Variants in FBXL7 observed in about 807,000 individuals in gnomAD.
FBXL7 encodes F-box and leucine rich repeat protein 7.
FBXL7 carries 12 observed loss-of-function variants against 38.3 expected under a neutral mutation model. The observed-to-expected ratio is 0.31, with a 90% confidence interval of 0.20 to 0.51. FBXL7 has a LOEUF of 0.51. Among genes scored for constraint, FBXL7 ranks in the 20% least tolerant of loss-of-function variants. The pLI is 0.98. For missense variants in FBXL7, 567 were observed against 676.4 expected, an observed-to-expected ratio of 0.84 and a Z score of 1.79; for synonymous variants, 297 against 300.9, an observed-to-expected ratio of 0.99 and a Z score of 0.13.
intron 1 of FBXL7, among the ~76,000 whole-genome samples, chr5:15,525,817 A>T (rs1376229505): frequency 6.6e-6 from 1 of 152,218 alleles, no homozygotes; most frequent in Non-Finnish European, 1.5e-5. Flanking sequence ...AGCCTATGGC[A>T]TCTCTCTGAC....
At chr5:15,794,200 A>C (rs142431417) in intron 2 of FBXL7, among the ~76,000 whole-genome samples, 2 of 152,224 alleles carry the variant, frequency 1.3e-5, no homozygotes, top group African/African-American at 4.8e-5. Context: ...TAGACAGTCT[A>C]CTTGTACTCC....
In FBXL7 at chr5:15,928,178, G is replaced by A. The variant is rs201382361; in HGVS notation, c.416G>A (p.Arg139Gln). The change falls in exon 3 of 4, where the codon CGA becomes CAA. Residue 139 changes from arginine to glutamine, a missense_variant. By Grantham distance (43) the Arg-to-Gln change is conservative. Coordinates refer to ENST00000504595, the MANE Select transcript of FBXL7 (RefSeq NM_012304.5). This position sits in a 1 kb window ranked among gnomAD's most constrained non-coding sequence, Gnocchi z 4.0. ...LPTNQLCRCA[R>Q]VCRRWYNLAW... ...ACCAACCAGCTGTGCCGCTGCGCGC[G>A]AGTGTGCCGCCGCTGGTACAACCTG... The A allele has an allele frequency of 1.1e-4, 173 of 1,609,722 alleles. No individual in the cohort carries two copies. The highest frequency in any genetic ancestry group is 1.1e-3 in the African/African-American group (79 of 74,938).
chr5:15,769,299 C>T (rs1381349343), intron 2 of FBXL7, among the ~76,000 whole-genome samples: 1 of 152,202 alleles, frequency 6.6e-6, no homozygotes, highest in African/African-American at 2.4e-5. Flanking sequence ...AACTTGAGTG[C>T]ATCCATCTGG....
At chr5:15,894,893 T>C (rs1300631592) in intron 2 of FBXL7, among the ~76,000 whole-genome samples, 7 of 152,160 alleles carry the variant, frequency 4.6e-5, no homozygotes, top group Non-Finnish European at 1.0e-4. Context: ...ACAGAGTGAA[T>C]GCTAATTTTT....
intron 1 of FBXL7, among the ~76,000 whole-genome samples, chr5:15,613,096 T>C (rs977767203): frequency 1.3e-5 from 2 of 152,338 alleles, no homozygotes; most frequent in South Asian, 2.1e-4. Flanking sequence ...TAAAAATAAT[T>C]TAAGTCTACA....
At chr5:15,667,631 A>G (rs1410661093) in intron 2 of FBXL7, among the ~76,000 whole-genome samples, 1 of 152,094 alleles carries the variant, frequency 6.6e-6, no homozygotes, top group Non-Finnish European at 1.5e-5. Context: ...GCCCAGCAGT[A>G]TAGCTGCTAA....
intron 2 of FBXL7, among the ~76,000 whole-genome samples, chr5:15,732,679 C>T (rs990402903): frequency 2.0e-5 from 3 of 152,144 alleles, no homozygotes; most frequent in South Asian, 2.1e-4. Context: ...ATAGAAGCCC[C>T]ACTTGTCTAA....
At chr5:15,651,458 A>G (rs548369397) in intron 2 of FBXL7, among the ~76,000 whole-genome samples, 6 of 152,244 alleles carry the variant, frequency 3.9e-5, no homozygotes, top group African/African-American at 1.4e-4. Flanking sequence ...TATTGGATGG[A>G]TGTTGTGTTA....
chr5:15,937,319 C>T lies in FBXL7; in HGVS notation c.*133C>T, dbSNP rs868698255. 8.8e-7 allele frequency: 1 copy of T among 1,142,122 alleles called. No homozygotes were observed. The highest frequency in any genetic ancestry group is 1.7e-5 in the South Asian group (1 of 58,000). The allele number at this position is 1,142,122 out of a possible 1,614,324, so 70.7% of individuals were successfully genotyped here. A position where few individuals can be genotyped will look rare whatever the true frequency, so the allele number is the denominator to read the frequency against. On this transcript the variant is annotated 3_prime_UTR_variant, in exon 4 of 4. Coordinates refer to ENST00000504595, the MANE Select transcript of FBXL7 (RefSeq NM_012304.5). The stretch of plus-strand genomic sequence containing the variant: ...CCGGGAAGGTTATTAGGAATCTGGC[C>T]TTTATTTTTCCTCATTTCTCATGGG...
At chr5:15,749,040 T>G (rs1175871810) in intron 2 of FBXL7, among the ~76,000 whole-genome samples, 2 of 150,762 alleles carry the variant, frequency 1.3e-5, no homozygotes. Flanking sequence ...AGGTCAGGAG[T>G]TAGAGACCAG....
intron 2 of FBXL7, among the ~76,000 whole-genome samples, chr5:15,821,215 A>C (rs554783277): frequency 6.6e-6 from 1 of 152,332 alleles, no homozygotes; most frequent in Non-Finnish European, 1.5e-5. Context: ...CTACCTTTTC[A>C]TAAAATGTAT....
At chr5:15,517,509 G>T (rs2126367696) in intron 1 of FBXL7, among the ~76,000 whole-genome samples, 1 of 152,290 alleles carries the variant, frequency 6.6e-6, no homozygotes, top group East Asian at 1.9e-4. Context: ...ACAACATGAG[G>T]TCAGACAAGG....
chr5:15,815,373 C>T (rs945097294), intron 2 of FBXL7, among the ~76,000 whole-genome samples: 1 of 152,158 alleles, frequency 6.6e-6, no homozygotes, highest in African/African-American at 2.4e-5. Flanking sequence ...ACGCATTATG[C>T]AGGCAAACTT....
intron 2 of FBXL7, among the ~76,000 whole-genome samples, chr5:15,650,718 A>G (rs1741679929): frequency 1.3e-5 from 2 of 152,242 alleles, no homozygotes; most frequent in Non-Finnish European, 2.9e-5. Context: ...CAGACTTTTC[A>G]CCAGGAGTAA....
intron 2 of FBXL7, among the ~76,000 whole-genome samples, chr5:15,646,319 T>G (rs1411132847): frequency 1.3e-5 from 2 of 152,246 alleles, no homozygotes; most frequent in African/African-American, 4.8e-5. Context: ...ATGAGGAAAC[T>G]GAGGCAAAGA....
intron 2 of FBXL7, among the ~76,000 whole-genome samples, chr5:15,763,192 C>A (rs569063361): frequency 2.2e-3 from 329 of 152,240 alleles, no homozygotes; most frequent in African/African-American, 7.4e-3. Context: ...CAGCCCTTCG[C>A]ACTTGCCACC....
Position 15,554,207 on chromosome 5 carries a change from C to T in FBXL7, c.37+53494C>T, listed in dbSNP as rs11953658. Reference sequence around the variant, plus strand: ...GTTGAGGTGGTAGGCGTGGGTGAGCCGCCATCCCTGAGGCATATTCTGTCT... The same window carrying T: ...GTTGAGGTGGTAGGCGTGGGTGAGCTGCCATCCCTGAGGCATATTCTGTCT... On this transcript the variant is annotated intron_variant, in intron 1 of 3. Transcript: ENST00000504595. Among the ~76,000 whole-genome samples the T allele has an allele frequency of 3.4e-3, 513 of 152,190 alleles. 1 individual carries two copies. Among genetic ancestry groups the T allele is most frequent in the African/African-American group, 0.012 (483 of 41,544 alleles).
chr5:15,626,015 G>T (rs765129358), intron 2 of FBXL7, among the ~76,000 whole-genome samples: 2 of 152,118 alleles, frequency 1.3e-5, no homozygotes, highest in African/African-American at 2.4e-5. Flanking sequence ...GTGGTATTAG[G>T]AGCTTTTAGT....
In FBXL7 at chr5:15,938,482, T is replaced by A. The variant is rs1742260843; in HGVS notation, c.*1296T>A. 6.6e-6 allele frequency: 1 copy of A among 152,276 alleles called. No individual in the cohort carries two copies. The highest frequency in any genetic ancestry group is 1.5e-5 in the Non-Finnish European group (1 of 68,110). 9.4% of individuals were successfully genotyped at this position (152,276 alleles called of 1,614,324 possible). A position where few individuals can be genotyped will look rare whatever the true frequency, so the allele number is the denominator to read the frequency against. The stretch of plus-strand genomic sequence containing the variant: ...TATTTATTTCTTTATACATCCAGAC[T>A]TCATCACATGAAGCCTATTGGGGTT... On this transcript the variant is annotated 3_prime_UTR_variant, in exon 4 of 4. Coordinates refer to ENST00000504595, the MANE Select transcript of FBXL7 (RefSeq NM_012304.5).
Sources: allele counts gnomAD v4.1 joint callset (sites outside exome capture counted in the v4.1 genomes callset), GRCh38; gene constraint gnomAD v4.1.1; non-coding constraint Gnocchi (gnomAD v3.1); transcripts MANE v1.5; gene names NCBI Gene and HGNC (gene_info 2026-07-23, HGNC 2026-07-21).